Variants in PARD3 observed in about 807,000 individuals in gnomAD.
The protein encoded by PARD3 is par-3 family cell polarity regulator.
A neutral mutation model predicts 155.4 loss-of-function variants in PARD3; 75 were observed. The observed-to-expected ratio is 0.48, with a 90% CI of 0.40 to 0.58. The LOEUF (loss-of-function observed/expected upper bound fraction) is 0.58. Among genes scored for constraint, PARD3 ranks in the 20% least tolerant of loss-of-function variants. The probability of loss-of-function intolerance (pLI) is 0.00; values close to 1 mark genes in which losing one functional copy is unlikely to be tolerated. For synonymous variants in PARD3, 576 were observed against 610.5 expected (o/e 0.94, Z 0.83); for missense variants, 1,642 against 1,721.7 (o/e 0.95, Z 0.82).
At chr10:34,219,511 C>T (rs1343514019) in intron 22 of PARD3, among the ~76,000 whole-genome samples, 1 of 152,130 alleles carries the variant, frequency 6.6e-6, no homozygotes, top group Admixed American at 6.5e-5. Flanking sequence ...ATTTTCTATG[C>T]AATGGCGTAG....
At chr10:34,585,517 T>A (rs1266025724) in intron 2 of PARD3, among the ~76,000 whole-genome samples, 1 of 151,228 alleles carries the variant, frequency 6.6e-6, no homozygotes, top group East Asian at 2.0e-4. Context: ...CACCACTTTT[T>A]CTAATTTTTC....
intron 2 of PARD3, among the ~76,000 whole-genome samples, chr10:34,600,487 T>C (rs919938361): frequency 6.6e-6 from 1 of 151,386 alleles, no homozygotes; most frequent in Non-Finnish European, 1.5e-5. Context: ...TTAGGGAGGA[T>C]GTGAAAAAAC....
intron 2 of PARD3, among the ~76,000 whole-genome samples, chr10:34,536,834 T>C (rs891680140): frequency 6.6e-6 from 1 of 152,206 alleles, no homozygotes; most frequent in Non-Finnish European, 1.5e-5. Context: ...ACACCTTGGA[T>C]GGGACATAAT....
chr10:34,372,604 T>C, intron 11 of PARD3, 68 bp from the exon 12 acceptor site: 2 of 1,100,868 alleles, frequency 1.8e-6, no homozygotes, highest in Admixed American at 1.9e-5. Flanking sequence ...AGGGACACAA[T>C]GATTTATTTT....
At chr10:34,599,073 C>G (rs144452759) in intron 2 of PARD3, among the ~76,000 whole-genome samples, 2 of 152,230 alleles carry the variant, frequency 1.3e-5, no homozygotes, top group Non-Finnish European at 2.9e-5. Flanking sequence ...AAGCGTTCCC[C>G]ATTCTCTACA....
intron 2 of PARD3, among the ~76,000 whole-genome samples, chr10:34,532,751 T>C (rs529403749): frequency 6.6e-6 from 1 of 152,346 alleles, no homozygotes; most frequent in African/African-American, 2.4e-5. Flanking sequence ...AGTTACATAT[T>C]AGCAGAGTGT....
At chr10:34,356,665 A>G (rs58224479) in intron 14 of PARD3, among the ~76,000 whole-genome samples, 1 of 152,204 alleles carries the variant, frequency 6.6e-6, no homozygotes, top group Non-Finnish European at 1.5e-5. Flanking sequence ...ATCAATATTT[A>G]CTATAACATA....
chr10:34,263,057 A>G lies in PARD3; in HGVS notation c.3419+6600T>C, dbSNP rs772616848. ...AGCAGAATTGCATTCCCACACTCCT[A>G]TATCTATGTTAAGTATAAAGAATCA... On this transcript the variant is annotated intron_variant, in intron 22 of 24. Transcript: ENST00000374788. Among the ~76,000 whole-genome samples, 3 of 152,344 alleles carry G rather than the reference A, an allele frequency of 2.0e-5. 1 individual carries two copies. In the South Asian group the frequency reaches 6.2e-4, roughly 32 times the overall value.
chr10:34,372,752 T>C (rs1166390894), intron 11 of PARD3, among the ~76,000 whole-genome samples: 1 of 152,176 alleles, frequency 6.6e-6, no homozygotes, highest in African/African-American at 2.4e-5. Context: ...TTTCTAGATA[T>C]ACATTTTTAC....
chr10:34,606,835 T>A (rs535451882), intron 2 of PARD3, among the ~76,000 whole-genome samples: 1 of 151,016 alleles, frequency 6.6e-6, no homozygotes, highest in African/African-American at 2.4e-5. Flanking sequence ...GGCATGGTGG[T>A]GCACGCCTGT....
chr10:34,354,741 GA>G (rs1358079720), intron 14 of PARD3, among the ~76,000 whole-genome samples: 2 of 152,176 alleles, frequency 1.3e-5, no homozygotes, highest in African/African-American at 4.8e-5. Context: ...TGAGTGGCTA[GA>G]GCAGAGGTGC....
At chr10:34,246,112 G>A (rs988199729) in intron 22 of PARD3, among the ~76,000 whole-genome samples, 2 of 152,192 alleles carry the variant, frequency 1.3e-5, no homozygotes, top group African/African-American at 4.8e-5. Flanking sequence ...TCCAGATTTG[G>A]CAATTTTGTC....
At chr10:34,647,896 G>A (rs1192054676) in intron 2 of PARD3, among the ~76,000 whole-genome samples, 2 of 152,242 alleles carry the variant, frequency 1.3e-5, no homozygotes, top group East Asian at 1.9e-4. Context: ...TTTAAGTGCT[G>A]CTTCCTGGGC....
chr10:34,666,812 T>TACAC (rs1159805378), intron 2 of PARD3, among the ~76,000 whole-genome samples: 10 of 95,214 alleles, frequency 1.1e-4, no homozygotes, highest in African/African-American at 4.7e-4. Flanking sequence ...TATATATATA[T>TACAC]ATATACACAC....
chr10:34,670,577 G>A (rs1231548825), intron 2 of PARD3, among the ~76,000 whole-genome samples: 1 of 152,200 alleles, frequency 6.6e-6, no homozygotes, highest in African/African-American at 2.4e-5. Flanking sequence ...ACTACCACTG[G>A]AGATTCTGAT....
chr10:34,734,253 C>G (rs377459652), intron 1 of PARD3, among the ~76,000 whole-genome samples: 2 of 150,324 alleles, frequency 1.3e-5, no homozygotes, highest in African/African-American at 4.9e-5. Context: ...GAGTGATACA[C>G]TTCTGCACTT....
intron 22 of PARD3, among the ~76,000 whole-genome samples, chr10:34,182,541 T>G (rs1950312026): frequency 1.3e-5 from 2 of 152,160 alleles, no homozygotes; most frequent in South Asian, 4.1e-4. Flanking sequence ...CTTGAATTTT[T>G]GGGACATCTA....
intron 2 of PARD3, among the ~76,000 whole-genome samples, chr10:34,526,196 A>C (rs1298592785): frequency 1.3e-5 from 2 of 152,018 alleles, no homozygotes; most frequent in Non-Finnish European, 2.9e-5. Context: ...CAGCCTCTCT[A>C]AACTGTAATT....
At chr10:34,556,055 T>C (rs1006108634) in intron 2 of PARD3, among the ~76,000 whole-genome samples, 1 of 152,108 alleles carries the variant, frequency 6.6e-6, no homozygotes, top group Non-Finnish European at 1.5e-5. Context: ...AACAAGGAAA[T>C]AGAGCATTAA....
Sources: gnomAD v4.1 joint callset for allele counts (sites outside exome capture counted in the v4.1 genomes callset) on GRCh38, gnomAD v4.1.1 for gene constraint, MANE v1.5 for transcripts, NCBI Gene and HGNC (gene_info 2026-07-23, HGNC 2026-07-21) for gene names.